Variants in CREBRF observed in about 807,000 individuals in gnomAD.
CREBRF encodes CREB3 regulatory factor.
CREBRF carries 5 observed loss-of-function variants against 66.1 expected under a neutral mutation model. The ratio of observed to expected loss-of-function variants is 0.08; its 90% confidence interval spans 0.04 to 0.16. The LOEUF (loss-of-function observed/expected upper bound fraction) is 0.16, where lower values mean the gene tolerates loss of function less well. CREBRF is among the 10% of genes least tolerant of loss of function. The pLI, the probability that CREBRF is intolerant of heterozygous loss-of-function variation, is 1.00. For synonymous variants in CREBRF, 229 were observed against 264.4 expected (o/e 0.87, Z 1.30); for missense variants, 531 against 744.9 (o/e 0.71, Z 3.34).
intron 8 of CREBRF, among the ~76,000 whole-genome samples, chr5:173,132,687 C>T (rs1197440276): frequency 1.4e-5 from 2 of 146,380 alleles, no homozygotes; most frequent in Admixed American, 6.9e-5. Context: ...CCAACCTCCA[C>T]CCCCCGGGTT....
At chr5:173,079,328 T>C (rs923506297) in intron 1 of CREBRF, among the ~76,000 whole-genome samples, 3 of 151,976 alleles carry the variant, frequency 2.0e-5, no homozygotes, top group Admixed American at 6.6e-5. Flanking sequence ...CTGGGTGTGG[T>C]GTTGCTTGCC....
chr5:173,121,913 C>T (rs568798475), intron 7 of CREBRF, among the ~76,000 whole-genome samples: 5 of 152,032 alleles, frequency 3.3e-5, no homozygotes, highest in African/African-American at 4.8e-5. Flanking sequence ...TGGAGCACAG[C>T]GGCTATTCAC....
At chr5:173,091,780 G>C (rs1235491900) in intron 4 of CREBRF, 1 of 992,740 alleles carries the variant, frequency 1.0e-6, no homozygotes, top group African/African-American at 1.7e-5. Context: ...TAATTTATTG[G>C]TTTAAAAAAT....
chr5:173,073,931 C>T (rs376254693), intron 1 of CREBRF, among the ~76,000 whole-genome samples: 3 of 151,750 alleles, frequency 2.0e-5, no homozygotes, highest in Admixed American at 6.6e-5. Context: ...TGCGCCACTG[C>T]GCTCCAGCCT....
intron 4 of CREBRF, among the ~76,000 whole-genome samples, chr5:173,107,325 G>A (rs1396487765): frequency 2.0e-5 from 3 of 152,096 alleles, no homozygotes; most frequent in Non-Finnish European, 4.4e-5. Context: ...AGCCCATTCC[G>A]TCTTGTTCAT....
At position 173,133,755 on chromosome 5, in the gene CREBRF, T is replaced by C. The variant is rs1420826150; in HGVS notation, c.*10T>C. The C allele has an allele frequency of 2.1e-6, 3 of 1,401,312 alleles. No homozygotes were observed. The highest frequency in any genetic ancestry group is 1.4e-5 in the African/African-American group (1 of 70,450). 86.8% of individuals were successfully genotyped at this position (1,401,312 alleles called of 1,614,324 possible). On this transcript the variant is annotated 3_prime_UTR_variant, in exon 9 of 9. Transcript: ENST00000296953. ...AACATCAAAGGTGTAATCAGCCTCATTGGACCACTGGTCAGAAATGTCTGC... is the reference window on the plus strand; with the variant it reads ...AACATCAAAGGTGTAATCAGCCTCACTGGACCACTGGTCAGAAATGTCTGC...
chr5:173,067,112 C>G (rs1057322815), intron 1 of CREBRF, among the ~76,000 whole-genome samples: 4 of 152,194 alleles, frequency 2.6e-5, no homozygotes, highest in Admixed American at 6.5e-5. Flanking sequence ...CTTTCTCAGC[C>G]TGAGCCACCG....
intron 4 of CREBRF, among the ~76,000 whole-genome samples, chr5:173,107,544 G>A (rs988074293): frequency 2.0e-5 from 3 of 152,152 alleles, no homozygotes; most frequent in African/African-American, 7.2e-5. Flanking sequence ...ACTGGAATAG[G>A]CATATAAGTT....
At chr5:173,082,891 G>A (rs2544575) in intron 2 of CREBRF, among the ~76,000 whole-genome samples, 86,892 of 128,826 alleles carry the variant, frequency 0.67, 29,093 homozygotes, top group Middle Eastern at 0.75. Context: ...CCTGAGCGAC[G>A]GAGCGAGACT....
At chr5:173,096,160 G>A (rs1051968449) in intron 4 of CREBRF, among the ~76,000 whole-genome samples, 4 of 151,658 alleles carry the variant, frequency 2.6e-5, no homozygotes, top group Admixed American at 6.6e-5. Flanking sequence ...TAGTAGAGGC[G>A]GGGTTTCACT....
intron 4 of CREBRF, among the ~76,000 whole-genome samples, chr5:173,097,513 G>A (rs1223483515): frequency 6.6e-6 from 1 of 152,112 alleles, no homozygotes; most frequent in Admixed American, 6.6e-5. Context: ...CCAAAGTGCT[G>A]GGATTACAGA....
At chr5:173,117,573 CCCT>C (rs1759024841) in intron 7 of CREBRF, among the ~76,000 whole-genome samples, 1 of 53,354 alleles carries the variant, frequency 1.9e-5, no homozygotes, top group Non-Finnish European at 4.4e-5. Context: ...CTCCCTCCCT[CCCT>C]CCCTCCTTCC....
chr5:173,085,533 C>A, intron 2 of CREBRF: 1 of 550,912 alleles, frequency 1.8e-6, no homozygotes, highest in South Asian at 2.1e-5. Flanking sequence ...TCTCCTACCT[C>A]AGCCTCCTGA....
chr5:173,091,591 A>C, intron 4 of CREBRF, 190 bp downstream of exon 4: 1 of 1,344,886 alleles, frequency 7.4e-7, no homozygotes, highest in East Asian at 2.7e-5. Context: ...TTTTGCTCAC[A>C]TAGGGATTCA....
At chr5:173,131,358 T>G (rs961805831) in intron 8 of CREBRF, among the ~76,000 whole-genome samples, 1 of 152,222 alleles carries the variant, frequency 6.6e-6, no homozygotes, top group Non-Finnish European at 1.5e-5. Flanking sequence ...ATGGAATCCA[T>G]TTTCCCAGTT....
chr5:173,067,875 C>T (rs752020732), intron 1 of CREBRF, among the ~76,000 whole-genome samples: 1 of 152,026 alleles, frequency 6.6e-6, no homozygotes, highest in Non-Finnish European at 1.5e-5. Context: ...TGGCGGGCAC[C>T]TGTAGTCCCA....
At position 173,108,770 on chromosome 5, in the gene CREBRF, C is replaced by G. The variant is rs142630557; in HGVS notation, c.1369C>G (p.Arg457Gly). 2 of 1,613,464 alleles carry G rather than the reference C, an allele frequency of 1.2e-6. No individual in the cohort carries two copies. The highest frequency in any genetic ancestry group is 1.7e-6 in the Non-Finnish European group (2 of 1,179,860). Residue 457 changes from arginine (R) to glycine (G), a missense_variant, in exon 5 of 9, where the codon CGA becomes GGA. Around this residue, in one of 5 missense-constraint regions of CREBRF, gnomAD observed 309 missense variants for 341.4 expected, o/e 0.90. Transcript: ENST00000296953. ...GATGCTGAGACCATCTGAGTGGAAC[C>G]GAGATACTTTGCCAAGTAATATGTA... ...ERMLRPSEWNRDTLPSNMYQK... is the reference protein window; with the variant it reads ...ERMLRPSEWNGDTLPSNMYQK...
At chr5:173,073,633 C>A (rs1489143141) in intron 1 of CREBRF, among the ~76,000 whole-genome samples, 1 of 152,230 alleles carries the variant, frequency 6.6e-6, no homozygotes, top group Non-Finnish European at 1.5e-5. Flanking sequence ...AAAAAGTAGT[C>A]CTTCCCATTC....
At chr5:173,115,112 T>C (rs888151101) in intron 7 of CREBRF, among the ~76,000 whole-genome samples, 4 of 151,166 alleles carry the variant, frequency 2.6e-5, no homozygotes, top group African/African-American at 4.8e-5. Flanking sequence ...CTTTTTCTTT[T>C]TTTTTTTTTT....
Sources: allele counts gnomAD v4.1 joint callset (sites outside exome capture counted in the v4.1 genomes callset), GRCh38; gene constraint gnomAD v4.1.1; regional missense constraint gnomAD v4.1.1; transcripts MANE v1.5; gene names NCBI Gene and HGNC (gene_info 2026-07-23, HGNC 2026-07-21).